The following UNC13C variants were observed in gnomAD, a reference collection of about 807,000 sequenced individuals.
The protein encoded by UNC13C is unc-13 homolog C.
In UNC13C, 174 loss-of-function variants were observed where a neutral mutation model predicts 245.4. The ratio of observed to expected loss-of-function variants is 0.71; its 90% CI spans 0.63 to 0.80. UNC13C has a LOEUF of 0.80. Ranked by LOEUF, UNC13C falls within the 30% of genes least tolerant of loss-of-function variation. The pLI is 0.00. For missense variants in UNC13C, 2,829 were observed against 2,602.9 expected, an observed-to-expected ratio of 1.09 and a Z score of -1.89; for synonymous variants, 992 against 895.1, an observed-to-expected ratio of 1.11 and a Z score of -1.93.
chr15:54,136,220 C>A (rs79363025), intron 2 of UNC13C, among the ~76,000 whole-genome samples: 34 of 152,172 alleles, frequency 2.2e-4, no homozygotes, highest in Admixed American at 1.2e-3. Flanking sequence ...TAACTGCAGC[C>A]TTGACCTCCC....
intron 2 of UNC13C, among the ~76,000 whole-genome samples, chr15:54,134,272 G>A (rs202077115): frequency 5.5e-5 from 8 of 146,686 alleles, no homozygotes; most frequent in East Asian, 2.0e-4. Flanking sequence ...TATGAGTTCA[G>A]TTTTTTTTTT....
chr15:54,383,249 G>A (rs946870905), intron 17 of UNC13C, among the ~76,000 whole-genome samples: 2 of 151,998 alleles, frequency 1.3e-5, no homozygotes, highest in Non-Finnish European at 2.9e-5. Flanking sequence ...AAAAGCTATA[G>A]ACCAATATCT....
chr15:54,229,068 T>G (rs1454859758), intron 4 of UNC13C, among the ~76,000 whole-genome samples: 1 of 152,190 alleles, frequency 6.6e-6, no homozygotes, highest in Admixed American at 6.5e-5. Flanking sequence ...GTGTAAATGC[T>G]CCTTCTGTGG....
In UNC13C at chr15:54,280,531, T is replaced by C. The variant is rs749816954; in HGVS notation, c.3819-13364T>C. 7.3e-4 allele frequency among the ~76,000 whole-genome samples: 111 copies of C among 151,170 alleles called. 1 individual carries two copies. Among genetic ancestry groups the C allele is most frequent in the Middle Eastern group, 3.5e-3 (1 of 282 alleles). On this transcript the variant is annotated intron_variant, in intron 10 of 32. Transcript: ENST00000260323. ...GCTATCACAATAAGAATTGTGCTCA[T>C]TGCAGACGGAAATTGATAGAGGAGA...
chr15:54,052,636 A>G (rs1595774584), intron 2 of UNC13C, among the ~76,000 whole-genome samples: 2 of 152,378 alleles, frequency 1.3e-5, no homozygotes, highest in East Asian at 3.9e-4. Context: ...CCACGAAGAA[A>G]GGATGGCTTT....
At chr15:54,171,233 A>G (rs1335023689) in intron 4 of UNC13C, among the ~76,000 whole-genome samples, 1 of 152,160 alleles carries the variant, frequency 6.6e-6, no homozygotes, top group Non-Finnish European at 1.5e-5. Context: ...TTGGCAACCA[A>G]TGCAAAAATG....
intron 14 of UNC13C, among the ~76,000 whole-genome samples, chr15:54,326,196 T>C (rs1158718108): frequency 6.6e-6 from 1 of 152,060 alleles, no homozygotes; most frequent in Non-Finnish European, 1.5e-5. Context: ...TATTTTTTAA[T>C]CCTTCTTTAA....
intron 18 of UNC13C, among the ~76,000 whole-genome samples, chr15:54,395,595 T>C (rs1181204986): frequency 9.2e-5 from 14 of 151,912 alleles, no homozygotes; most frequent in African/African-American, 3.4e-4. Context: ...GGTTTTGTTT[T>C]AGAGGCAAAG....
chr15:54,006,796 G>C (rs1460130766), intron 1 of UNC13C, among the ~76,000 whole-genome samples: 1 of 152,262 alleles, frequency 6.6e-6, no homozygotes, highest in East Asian at 1.9e-4. Context: ...CACGCTATTG[G>C]TGTATCTGGC....
intron 2 of UNC13C, among the ~76,000 whole-genome samples, chr15:54,079,562 T>G (rs1296197092): frequency 1.3e-5 from 2 of 152,086 alleles, no homozygotes; most frequent in African/African-American, 2.4e-5. Context: ...TTTATTTTTT[T>G]GTGTGTGGCT....
intron 2 of UNC13C, among the ~76,000 whole-genome samples, chr15:54,039,986 G>A (rs1175057833): frequency 6.6e-6 from 1 of 151,866 alleles, no homozygotes; most frequent in Non-Finnish European, 1.5e-5. Flanking sequence ...TCTGCAATGT[G>A]CCTCCCCCAC....
chr15:54,280,925 G>C (rs1435518591), intron 10 of UNC13C, among the ~76,000 whole-genome samples: 4 of 151,824 alleles, frequency 2.6e-5, no homozygotes, highest in Non-Finnish European at 5.9e-5. Flanking sequence ...AGGCTCCTGA[G>C]TAACTGAGAT....
the UNC13C span, among the ~76,000 whole-genome samples, chr15:53,909,512 G>T: frequency 6.8e-5 from 10 of 146,294 alleles, 2 homozygotes; most frequent in African/African-American, 2.4e-4. Context: ...CCAACACTTT[G>T]GGAGGCTGAG....
chr15:54,543,995 A>C (rs1896366779), intron 26 of UNC13C, among the ~76,000 whole-genome samples: 1 of 152,220 alleles, frequency 6.6e-6, no homozygotes, highest in Admixed American at 6.5e-5. Flanking sequence ...ACAACAAAAA[A>C]AGAGAATTTC....
intron 11 of UNC13C, among the ~76,000 whole-genome samples, chr15:54,295,487 A>G (rs6493674): frequency 0.4 from 60,173 of 151,714 alleles, 11,955 homozygotes; most frequent in South Asian, 0.45. Context: ...ATCTCTACCA[A>G]AAATTTAAAA....
At chr15:53,912,081 G>A in the UNC13C span, 1 of 152,234 alleles carries the variant, frequency 6.6e-6, no homozygotes, top group Admixed American at 6.5e-5. Flanking sequence ...TGACCCACAT[G>A]CGGATGTGGA....
chr15:54,323,176 A>G (rs1338556523), intron 14 of UNC13C, among the ~76,000 whole-genome samples: 2 of 152,044 alleles, frequency 1.3e-5, no homozygotes, highest in African/African-American at 4.8e-5. Context: ...GAAAAGAAAC[A>G]GTTGAGACAC....
At chr15:53,972,016 G>T in the UNC13C span, among the ~76,000 whole-genome samples, 2 of 152,000 alleles carry the variant, frequency 1.3e-5, no homozygotes, top group Non-Finnish European at 2.9e-5. Flanking sequence ...AATGACTATG[G>T]GTTCATTGTC....
chr15:54,287,372 A>G (rs1365170128), intron 10 of UNC13C, among the ~76,000 whole-genome samples: 1 of 152,208 alleles, frequency 6.6e-6, no homozygotes. Flanking sequence ...AGAGTTCTTA[A>G]ACTTATTTAA....
Sources: gnomAD v4.1 joint callset for allele counts (sites outside exome capture counted in the v4.1 genomes callset) on GRCh38, gnomAD v4.1.1 for gene constraint, MANE v1.5 for transcripts, NCBI Gene and HGNC (gene_info 2026-07-23, HGNC 2026-07-21) for gene names.